The following RAB3GAP2 variants were observed in gnomAD, a reference collection of about 807,000 sequenced individuals.
The protein encoded by RAB3GAP2 is RAB3 GTPase activating non-catalytic protein subunit 2.
Under a neutral mutation model 185.3 loss-of-function variants are expected in RAB3GAP2, and 87 were observed. The observed-to-expected ratio is 0.47, with a 90% CI of 0.39 to 0.56. The LOEUF is 0.56. Ranked by LOEUF, RAB3GAP2 falls within the 20% of genes least tolerant of loss-of-function variation. The probability of loss-of-function intolerance (pLI) is 0.00; values close to 1 mark genes in which losing one functional copy is unlikely to be tolerated. For synonymous variants in RAB3GAP2, 554 were observed against 576.1 expected (o/e 0.96, Z 0.55); for missense variants, 1,492 against 1,638.2 (o/e 0.91, Z 1.54).
chr1:220,202,474 A>G, intron 8 of RAB3GAP2, 100 bp from the exon 9 acceptor site: 2 of 1,247,104 alleles, frequency 1.6e-6, no homozygotes, highest in South Asian at 1.2e-5. Context: ...CTAAAATTTC[A>G]GCTAATAATG....
intron 1 of RAB3GAP2, among the ~76,000 whole-genome samples, chr1:220,236,682 A>T (rs900893326): frequency 1.3e-5 from 2 of 152,150 alleles, no homozygotes; most frequent in African/African-American, 4.8e-5. Context: ...TAGAAAAAAA[A>T]AAAAAGGTAT....
At chr1:220,222,762 C>T (rs370799550) in intron 2 of RAB3GAP2, among the ~76,000 whole-genome samples, 1 of 152,052 alleles carries the variant, frequency 6.6e-6, no homozygotes, top group Non-Finnish European at 1.5e-5. Flanking sequence ...GCCCACTCAA[C>T]CTTCTATTCA....
intron 1 of RAB3GAP2, among the ~76,000 whole-genome samples, chr1:220,262,194 G>A (rs796110691): frequency 2.8e-4 from 43 of 151,520 alleles, no homozygotes; most frequent in African/African-American, 1.0e-3. Context: ...CCAGCTACTC[G>A]AGAGGCTGAG....
intron 31 of RAB3GAP2, 126 bp downstream of exon 31, chr1:220,157,144 G>C: frequency 1.2e-6 from 1 of 830,360 alleles, no homozygotes; most frequent in Non-Finnish European, 2.0e-6. Flanking sequence ...GAATGAGGGA[G>C]TTGGAACCTC....
chr1:220,253,034 G>A (rs1659967027), intron 1 of RAB3GAP2, among the ~76,000 whole-genome samples: 2 of 152,192 alleles, frequency 1.3e-5, no homozygotes, highest in East Asian at 1.9e-4. Flanking sequence ...GGGCGGAGGG[G>A]TGGCTACCAT....
In RAB3GAP2 at chr1:220,211,058, T is replaced by C. The variant is rs1571902974; in HGVS notation, c.387-56A>G. The C allele has an allele frequency of 3.3e-6, 5 of 1,510,524 alleles. No homozygotes were observed. The South Asian group carries it at 4.6e-5, about 14-fold the overall frequency. The allele number at this position is 1,510,524 out of a possible 1,614,324, so 93.6% of individuals were successfully genotyped here. A position where few individuals can be genotyped will look rare whatever the true frequency, so the allele number is the denominator to read the frequency against. On this transcript the variant is annotated intron_variant, in intron 4 of 34. Coordinates refer to ENST00000358951, the MANE Select transcript of RAB3GAP2 (RefSeq NM_012414.4). ...CCACTGAACTTACCAATTACTTTTATTTCTCTATAATTGGATGTTAAAGGA... is the reference window on the plus strand; with the variant it reads ...CCACTGAACTTACCAATTACTTTTACTTCTCTATAATTGGATGTTAAAGGA...
intron 1 of RAB3GAP2, among the ~76,000 whole-genome samples, chr1:220,262,518 T>C (rs1265775042): frequency 6.6e-6 from 1 of 152,220 alleles, no homozygotes; most frequent in Admixed American, 6.5e-5. Flanking sequence ...CTATTTTTTG[T>C]TTCTATAAAT....
Position 220,148,487 on chromosome 1 carries a change from C to T in RAB3GAP2, c.*2764G>A, listed in dbSNP as rs1304914566. 1 of 152,186 alleles carries T rather than the reference C, an allele frequency of 6.6e-6. No homozygotes were observed. The highest frequency in any genetic ancestry group is 1.5e-5 in the Non-Finnish European group (1 of 68,014). 9.4% of individuals were successfully genotyped at this position (152,186 alleles called of 1,614,324 possible). On this transcript the variant is annotated 3_prime_UTR_variant, in exon 35 of 35. Coordinates refer to ENST00000358951, the MANE Select transcript of RAB3GAP2 (RefSeq NM_012414.4). ...ATTCAGCAGGAATCTAACTTCTAGA[C>T]ACCCAGCAAACCCATTCCTATCAGG...
Position 220,262,384 on chromosome 1 carries a change from T to C in RAB3GAP2, c.115+9839A>G, listed in dbSNP as rs576022356. 7.2e-5 allele frequency among the ~76,000 whole-genome samples: 11 copies of C among 152,216 alleles called. No individual in the cohort carries two copies. In the South Asian group the frequency reaches 2.1e-3, roughly 29 times the overall value. On this transcript the variant is annotated intron_variant, in intron 1 of 34. Coordinates refer to ENST00000358951, the MANE Select transcript of RAB3GAP2 (RefSeq NM_012414.4). The stretch of plus-strand genomic sequence containing the variant: ...CATTTCTAAGTGGACAGTTCAGTAG[T>C]GTTAAGTGTACTCACACTGTTGTGA...
chr1:220,180,464 C>T (rs1273568053), intron 21 of RAB3GAP2, among the ~76,000 whole-genome samples: 1 of 152,068 alleles, frequency 6.6e-6, no homozygotes, highest in Non-Finnish European at 1.5e-5. Context: ...GAAAACATTA[C>T]AATTGATACC....
intron 1 of RAB3GAP2, among the ~76,000 whole-genome samples, chr1:220,248,252 T>C (rs1659856514): frequency 1.3e-5 from 2 of 152,178 alleles, no homozygotes; most frequent in Admixed American, 1.3e-4. Flanking sequence ...GGTAAAAGTT[T>C]TCAGTTACAA....
intron 22 of RAB3GAP2, 45 bp from the exon 23 acceptor site, chr1:220,172,094 A>G (rs756158962): frequency 6.3e-7 from 1 of 1,595,860 alleles, no homozygotes; most frequent in Admixed American, 1.7e-5. Context: ...TTACCCTGTC[A>G]ATTTTTTGGA....
intron 7 of RAB3GAP2, among the ~76,000 whole-genome samples, chr1:220,206,578 C>G (rs1658971843): frequency 1.3e-5 from 2 of 152,180 alleles, no homozygotes; most frequent in Non-Finnish European, 2.9e-5. Flanking sequence ...TGCTTCCACT[C>G]TTGCTCTCTA....
chr1:220,253,612 G>A, intron 1 of RAB3GAP2: 1 of 1,578,294 alleles, frequency 6.3e-7, no homozygotes, highest in Non-Finnish European at 8.7e-7. Flanking sequence ...CCAGGAGGGT[G>A]AGCGAGTGCT....
intron 9 of RAB3GAP2, among the ~76,000 whole-genome samples, chr1:220,201,387 G>C (rs1658854707): frequency 6.6e-6 from 1 of 152,152 alleles, no homozygotes; most frequent in Non-Finnish European, 1.5e-5. Flanking sequence ...TCATTATATA[G>C]ACCAAATTTG....
intron 1 of RAB3GAP2, among the ~76,000 whole-genome samples, chr1:220,250,726 G>C (rs1571928994): frequency 6.6e-6 from 1 of 152,140 alleles, no homozygotes; most frequent in Non-Finnish European, 1.5e-5. Flanking sequence ...TCATGATAGT[G>C]ATAGTGCTGT....
At chr1:220,181,285 C>T (rs1658399959) in intron 21 of RAB3GAP2, among the ~76,000 whole-genome samples, 1 of 152,114 alleles carries the variant, frequency 6.6e-6, no homozygotes, top group Non-Finnish European at 1.5e-5. Context: ...CCATGCCTGG[C>T]TAATTTTTTA....
chr1:220,156,822 G>A (rs545909925), intron 31 of RAB3GAP2, among the ~76,000 whole-genome samples: 2 of 152,272 alleles, frequency 1.3e-5, no homozygotes, highest in Admixed American at 6.5e-5. Context: ...TGATGACATC[G>A]TTAATAAAAT....
rs181827076 is a variant in RAB3GAP2, at chr1:220,227,789, T to C, written c.180+5010A>G. 3.3e-5 allele frequency among the ~76,000 whole-genome samples: 5 copies of C among 152,356 alleles called. No individual in the cohort carries two copies. In the East Asian group the frequency reaches 7.7e-4, roughly 23 times the overall value. On this transcript the variant is annotated intron_variant, in intron 2 of 34. Coordinates refer to ENST00000358951, the MANE Select transcript of RAB3GAP2 (RefSeq NM_012414.4). ...TGTTTGGAGACAGAGTCTTACTCTGTTGCTCAGGCTGGAGTGCAGTGGTGT... is the reference window on the plus strand; with the variant it reads ...TGTTTGGAGACAGAGTCTTACTCTGCTGCTCAGGCTGGAGTGCAGTGGTGT...
Sources: allele counts gnomAD v4.1 joint callset (sites outside exome capture counted in the v4.1 genomes callset), GRCh38; gene constraint gnomAD v4.1.1; transcripts MANE v1.5; gene names NCBI Gene and HGNC (gene_info 2026-07-23, HGNC 2026-07-21).